Variants in CDK14 observed in about 807,000 individuals in gnomAD.
CDK14 encodes cyclin dependent kinase 14.
In CDK14, 34 loss-of-function variants were observed where a neutral mutation model predicts 60.7. That is an observed-to-expected ratio of 0.56 (90% CI 0.43 to 0.75). The LOEUF is 0.75. CDK14 is among the 30% of genes least tolerant of loss of function. CDK14 has a pLI of 0.00. For synonymous variants in CDK14, 197 were observed against 203.7 expected (o/e 0.97, Z 0.28); for missense variants, 482 against 564.1 (o/e 0.85, Z 1.47).
intron 14 of CDK14, among the ~76,000 whole-genome samples, chr7:91,137,626 A>T (rs1190798447): frequency 2.6e-5 from 4 of 151,980 alleles, no homozygotes; most frequent in African/African-American, 9.6e-5. Flanking sequence ...GCACACACAC[A>T]CGCACACACA....
At chr7:90,889,248 T>G (rs1343799071) in intron 6 of CDK14, among the ~76,000 whole-genome samples, 1 of 152,240 alleles carries the variant, frequency 6.6e-6, no homozygotes, top group African/African-American at 2.4e-5. Context: ...ATACCTGCAT[T>G]CCTTTTATCA....
intron 14 of CDK14, among the ~76,000 whole-genome samples, chr7:91,131,593 A>G (rs904612598): frequency 1.3e-5 from 2 of 152,156 alleles, no homozygotes; most frequent in Non-Finnish European, 2.9e-5. Flanking sequence ...GGAAATGGAG[A>G]CAGAGTCACC....
At position 91,109,470 on chromosome 7, in the gene CDK14, A is replaced by G. The variant is rs551216291; in HGVS notation, c.1155-3072A>G. 6.6e-5 allele frequency among the ~76,000 whole-genome samples: 10 copies of G among 152,274 alleles called. No individual in the cohort carries two copies. In the South Asian group the frequency reaches 2.1e-3, roughly 32 times the overall value. ...CCAATTACATGGAAATAGAATGCAT[A>G]ACTTCTAGAAGTTATACTTCTAAAA... On this transcript the variant is annotated intron_variant, in intron 12 of 14. Coordinates refer to ENST00000380050, the MANE Select transcript of CDK14 (RefSeq NM_001287135.2).
At chr7:90,659,837 T>TTCTGTC (rs1800826303) in intron 2 of CDK14, among the ~76,000 whole-genome samples, 2 of 110,466 alleles carry the variant, frequency 1.8e-5, no homozygotes, top group Admixed American at 2.1e-4. Flanking sequence ...CAGGGAATGC[T>TTCTGTC]TCTCTCTCTC....
At chr7:90,873,880 C>T (rs1732937889) in intron 6 of CDK14, among the ~76,000 whole-genome samples, 2 of 152,088 alleles carry the variant, frequency 1.3e-5, no homozygotes, top group South Asian at 2.1e-4. Context: ...TCCTGCCACC[C>T]TCCCAGTCTC....
chr7:90,970,882 G>T (rs1794903704), intron 9 of CDK14, among the ~76,000 whole-genome samples: 1 of 152,200 alleles, frequency 6.6e-6, no homozygotes, highest in South Asian at 2.1e-4. Context: ...GCAGTATCTT[G>T]TGTGTACTCC....
At chr7:90,765,077 G>T (rs1488538379) in intron 4 of CDK14, among the ~76,000 whole-genome samples, 3 of 152,138 alleles carry the variant, frequency 2.0e-5, no homozygotes, top group Non-Finnish European at 2.9e-5. Flanking sequence ...GGAACCAAGG[G>T]CTTTTGTTGT....
Position 90,791,211 on chromosome 7 carries a change from C to T in CDK14, c.544+559C>T, listed in dbSNP as rs73707882. On this transcript the variant is annotated intron_variant, in intron 5 of 14. Coordinates refer to ENST00000380050, the MANE Select transcript of CDK14 (RefSeq NM_001287135.2). ...TCTTTTATAATGTAGTTATTTGCTA[C>T]ATATAAGATTTTATTTTTTATTAAA... is the stretch of plus-strand genomic sequence containing the variant. Among the ~76,000 whole-genome samples, 528 of 152,180 alleles carry T rather than the reference C, an allele frequency of 3.5e-3. 3 individuals are homozygous for T. Among genetic ancestry groups the T allele is most frequent in the African/African-American group, 0.012 (496 of 41,532 alleles).
intron 14 of CDK14, among the ~76,000 whole-genome samples, chr7:91,174,361 A>C (rs1279238522): frequency 6.7e-6 from 1 of 150,248 alleles, no homozygotes; most frequent in Non-Finnish European, 1.5e-5. Context: ...TGGGGAAAAA[A>C]CAGAACAGAA....
chr7:91,181,490 T>G (rs1483765495), intron 14 of CDK14, among the ~76,000 whole-genome samples: 2 of 152,206 alleles, frequency 1.3e-5, no homozygotes, highest in African/African-American at 4.8e-5. Flanking sequence ...CTAGATCCAC[T>G]AATCCACTGA....
intron 8 of CDK14, among the ~76,000 whole-genome samples, chr7:90,941,795 G>T (rs1342475137): frequency 1.3e-5 from 2 of 152,084 alleles, no homozygotes; most frequent in African/African-American, 4.8e-5. Flanking sequence ...GTGTTGTTCT[G>T]TTGTGTCTGA....
At chr7:91,092,359 T>C (rs1584046175) in intron 12 of CDK14, among the ~76,000 whole-genome samples, 1 of 152,202 alleles carries the variant, frequency 6.6e-6, no homozygotes. Flanking sequence ...TAGGGTCTGC[T>C]GGGAGTCATA....
At chr7:91,123,346 G>A (rs1799840667) in intron 14 of CDK14, among the ~76,000 whole-genome samples, 1 of 151,938 alleles carries the variant, frequency 6.6e-6, no homozygotes, top group Non-Finnish European at 1.5e-5. Flanking sequence ...AACATCTGCA[G>A]TTTTATTATT....
chr7:91,061,048 A>G (rs1355699209), intron 11 of CDK14, among the ~76,000 whole-genome samples: 1 of 152,200 alleles, frequency 6.6e-6, no homozygotes, highest in Non-Finnish European at 1.5e-5. Context: ...AGTCAGATGT[A>G]CATTTGATCT....
chr7:91,160,859 C>T (rs1801150191), intron 14 of CDK14, among the ~76,000 whole-genome samples: 1 of 152,146 alleles, frequency 6.6e-6, no homozygotes, highest in East Asian at 1.9e-4. Flanking sequence ...TAAATATCCT[C>T]ATTTCTTTAT....
chr7:90,727,235 T>G (rs531306884), intron 3 of CDK14, among the ~76,000 whole-genome samples: 118 of 152,130 alleles, frequency 7.8e-4, no homozygotes, highest in African/African-American at 1.9e-3. Context: ...CAGTTTTTTT[T>G]GGGGGGGTAC....
In CDK14 at chr7:91,036,581, C is replaced by G. The variant is rs545611140; in HGVS notation, c.1042-9316C>G. 2.0e-5 allele frequency among the ~76,000 whole-genome samples: 3 copies of G among 152,258 alleles called. No homozygotes were observed. In the South Asian group the frequency reaches 6.2e-4, roughly 32 times the overall value. On this transcript the variant is annotated intron_variant, in intron 10 of 14. Coordinates refer to ENST00000380050, the MANE Select transcript of CDK14 (RefSeq NM_001287135.2). ...AGCAGGACCAAGCCCTCTTCCTCCT[C>G]CTCAGCCTACTCAACATGAAGATAA...
At chr7:90,980,287 C>T (rs1448112086) in intron 9 of CDK14, among the ~76,000 whole-genome samples, 5 of 152,094 alleles carry the variant, frequency 3.3e-5, no homozygotes, top group African/African-American at 1.2e-4. Flanking sequence ...GTGACCAGTT[C>T]TTATTCTTGA....
intron 10 of CDK14, among the ~76,000 whole-genome samples, chr7:91,009,140 C>CT (rs936426107): frequency 6.6e-6 from 1 of 152,000 alleles, no homozygotes; most frequent in African/African-American, 2.4e-5. Context: ...TTTGCCCTGG[C>CT]TTTTTTTAGT....
Sources: allele counts gnomAD v4.1 joint callset (sites outside exome capture counted in the v4.1 genomes callset), GRCh38; gene constraint gnomAD v4.1.1; transcripts MANE v1.5; gene names NCBI Gene and HGNC (gene_info 2026-07-23, HGNC 2026-07-21).